The following RCC1L variants were observed in gnomAD, a reference collection of about 807,000 sequenced individuals.
RCC1L encodes RCC1-like G exchanging factor-like protein.
RCC1L carries 46 observed loss-of-function variants against 58.6 expected under a neutral mutation model. The observed-to-expected ratio is 0.79, with a 90% CI of 0.62 to 1.00. The LOEUF is 1.00. Ranked by LOEUF, RCC1L falls within the 50% of genes least tolerant of loss-of-function variation. The pLI is 0.00. For missense variants in RCC1L, 636 were observed against 623.6 expected, an observed-to-expected ratio of 1.02 and a Z score of -0.21; for synonymous variants, 281 against 262.9, an observed-to-expected ratio of 1.07 and a Z score of -0.67.
intron 2 of RCC1L, among the ~76,000 whole-genome samples, chr7:75,069,199 T>A (rs1563080311): frequency 6.6e-6 from 1 of 151,362 alleles, no homozygotes; most frequent in South Asian, 2.1e-4. Context: ...CTTTCTTTTT[T>A]CTTTTTTTTA....
At chr7:75,048,340 G>C (rs1220396118) in intron 10 of RCC1L, among the ~76,000 whole-genome samples, 6 of 151,276 alleles carry the variant, frequency 4.0e-5, no homozygotes, top group Non-Finnish European at 8.8e-5. Context: ...AGCGAGGCTA[G>C]AAGTCAGCGA....
At chr7:75,045,511 T>C (rs1805692789) in intron 10 of RCC1L, among the ~76,000 whole-genome samples, 1 of 129,964 alleles carries the variant, frequency 7.7e-6, no homozygotes, top group Non-Finnish European at 1.6e-5. Flanking sequence ...GAAGCAGATA[T>C]GCATCTCTCT....
chr7:75,027,914 G>T, exon 11 of RCC1L: 1 of 1,137,704 alleles, frequency 8.8e-7, no homozygotes, highest in Non-Finnish European at 1.3e-6. Flanking sequence ...GGTCTGCTGG[G>T]TGGGAGGGTC....
intron 10 of RCC1L, among the ~76,000 whole-genome samples, chr7:75,044,378 C>T (rs1473142281): frequency 6.6e-6 from 1 of 150,894 alleles, no homozygotes; most frequent in Non-Finnish European, 1.5e-5. Flanking sequence ...AGGTGGACTC[C>T]ACTTGAGGTC....
At position 75,042,778 on chromosome 7, in the gene RCC1L, G is replaced by A. The variant is rs1359258421; in HGVS notation, c.*254C>T. 7.0e-6 allele frequency: 10 copies of A among 1,421,468 alleles called. No individual in the cohort carries two copies. Among genetic ancestry groups the A allele is most frequent in the Middle Eastern group, 2.7e-4 (1 of 3,766 alleles). The allele number at this position is 1,421,468 out of a possible 1,614,324, so 88.1% of individuals were successfully genotyped here. Reference sequence around the variant, plus strand: ...CATGTTACTTGGAGAGAACAGAGACGTGCGGGCCACAGCGGCCCACCAAAG... The same window carrying A: ...CATGTTACTTGGAGAGAACAGAGACATGCGGGCCACAGCGGCCCACCAAAG... On this transcript the variant is annotated 3_prime_UTR_variant, in exon 11 of 11. Transcript: ENST00000610322.
chr7:75,067,850 A>AC (rs587729397), intron 2 of RCC1L, among the ~76,000 whole-genome samples: 8 of 151,310 alleles, frequency 5.3e-5, no homozygotes, highest in Non-Finnish European at 7.4e-5. Flanking sequence ...GTCTCCCCTT[A>AC]CCCCCCCAAA....
chr7:75,036,193 T>G (rs1805427551), intron 10 of RCC1L, among the ~76,000 whole-genome samples: 1 of 149,142 alleles, frequency 6.7e-6, no homozygotes, highest in African/African-American at 2.5e-5. Flanking sequence ...CTTGGCTCAC[T>G]GCAACCTCTG....
chr7:75,040,441 C>A (rs933927075), downstream of RCC1L, among the ~76,000 whole-genome samples: 13 of 152,248 alleles, frequency 8.5e-5, no homozygotes, highest in Non-Finnish European at 1.3e-4. Context: ...GCCTGGGCAA[C>A]AGAGAGAGAC....
Position 75,042,521 on chromosome 7 carries a change from G to A in RCC1L, c.*511C>T. On this transcript the variant is annotated 3_prime_UTR_variant, in exon 11 of 11. Transcript: ENST00000610322. ...CCCCCAGCGAGCTTGCGGTGTGGCA[G>A]GCGGCCAGGAAGGGCCATGAGCAGG... 1.0e-6 allele frequency: 1 copy of A among 991,588 alleles called. No individual in the cohort carries two copies. The highest frequency in any genetic ancestry group is 1.7e-5 in the African/African-American group (1 of 57,438). 61.4% of individuals were successfully genotyped at this position (991,588 alleles called of 1,614,324 possible). A position where few individuals can be genotyped will look rare whatever the true frequency, so the allele number is the denominator to read the frequency against.
intron 10 of RCC1L, among the ~76,000 whole-genome samples, chr7:75,043,621 T>C (rs1036194966): frequency 1.4e-3 from 215 of 152,246 alleles, no homozygotes; most frequent in African/African-American, 5.0e-3. Flanking sequence ...CTCAGCACTT[T>C]GGGAGGCCAA....
intron 2 of RCC1L, among the ~76,000 whole-genome samples, chr7:75,067,114 C>G (rs1806522973): frequency 6.6e-6 from 1 of 151,714 alleles, no homozygotes; most frequent in Non-Finnish European, 1.5e-5. Context: ...CTAGCCTGGC[C>G]AAAATGGTGA....
At chr7:75,054,782 C>CA (rs1240751423) in intron 9 of RCC1L, among the ~76,000 whole-genome samples, 11 of 143,196 alleles carry the variant, frequency 7.7e-5, no homozygotes, top group South Asian at 2.2e-4. Context: ...GACTCCAACT[C>CA]AAAAAAAAAG....
chr7:75,052,638 C>T (rs1050898296), intron 10 of RCC1L, 73 bp downstream of exon 10: 85 of 1,437,984 alleles, frequency 5.9e-5, no homozygotes, highest in African/African-American at 3.1e-4. Flanking sequence ...CATCTGCACG[C>T]GAGGTGTCTG....
intron 8 of RCC1L, among the ~76,000 whole-genome samples, chr7:75,057,196 C>T (rs1435064846): frequency 1.8e-4 from 27 of 152,276 alleles, no homozygotes; most frequent in Admixed American, 1.6e-3. Flanking sequence ...TGGTCTTGAA[C>T]TCCTGACCTC....
Position 75,042,246 on chromosome 7 carries a change from AG to A in RCC1L, c.*785del. On this transcript the variant is annotated 3_prime_UTR_variant, in exon 11 of 11. Transcript: ENST00000610322. ...ACAGATTTGTAAAAGATGTTTTTAAAGGGAAAGGCAAGTCACGCTACTAAAT... is the reference window on the plus strand; with the variant it reads ...ACAGATTTGTAAAAGATGTTTTTAAAGGAAAGGCAAGTCACGCTACTAAAT... 4.1e-6 allele frequency: 4 copies of A among 985,504 alleles called. No homozygotes were observed. Among genetic ancestry groups the A allele is most frequent in the Non-Finnish European group, 4.8e-6 (4 of 829,946 alleles). The allele number at this position is 985,504 out of a possible 1,614,324, so 61.0% of individuals were successfully genotyped here. A position where few individuals can be genotyped will look rare whatever the true frequency, so the allele number is the denominator to read the frequency against.
chr7:75,048,760 C>A (rs1283935517), intron 10 of RCC1L, among the ~76,000 whole-genome samples: 1 of 152,254 alleles, frequency 6.6e-6, no homozygotes, highest in African/African-American at 2.4e-5. Flanking sequence ...GAAGGCCAGA[C>A]AACGCCTGGT....
intron 10 of RCC1L, among the ~76,000 whole-genome samples, chr7:75,051,240 ATATATT>A (rs1234569788): frequency 1.4e-5 from 2 of 147,778 alleles, no homozygotes; most frequent in Non-Finnish European, 3.0e-5. Context: ...ATATATGTAT[ATATATT>A]TATATGTGTG....
chr7:75,039,794 G>A (rs2131973000), downstream of RCC1L, among the ~76,000 whole-genome samples: 1 of 152,302 alleles, frequency 6.6e-6, no homozygotes, highest in Non-Finnish European at 1.5e-5. Flanking sequence ...CATCGCGGGT[G>A]CCATTCACGT....
intron 10 of RCC1L, among the ~76,000 whole-genome samples, chr7:75,037,061 T>C (rs1238786584): frequency 6.6e-6 from 1 of 152,188 alleles, no homozygotes; most frequent in Non-Finnish European, 1.5e-5. Flanking sequence ...TGTGCTCCAC[T>C]CTGGCCTCCT....
Sources: gnomAD v4.1 joint callset for allele counts (sites outside exome capture counted in the v4.1 genomes callset) on GRCh38, gnomAD v4.1.1 for gene constraint, MANE v1.5 for transcripts, NCBI Gene and HGNC (gene_info 2026-07-23, HGNC 2026-07-21) for gene names.